Variants in SHC2 observed in about 807,000 individuals in gnomAD.
The protein encoded by SHC2 is SHC-transforming protein 2.
A neutral mutation model predicts 60.6 loss-of-function variants in SHC2; 62 were observed. The ratio of observed to expected loss-of-function variants is 1.02; its 90% CI spans 0.83 to 1.26. SHC2 has a LOEUF of 1.26. SHC2 is among the 50% of genes most tolerant of loss of function. The pLI is 0.00. For missense variants in SHC2, 873 were observed against 822.2 expected (o/e 1.06, Z -0.76); for synonymous variants, 375 against 372.4 (o/e 1.01, Z -0.08).
At position 437,313 on chromosome 19, in the gene SHC2, C is replaced by T. The variant is rs559393907; in HGVS notation, c.721-630G>A. Among the ~76,000 whole-genome samples, 1,146 of 150,346 alleles carry T rather than the reference C, an allele frequency of 7.6e-3. 8 individuals carry two copies. Among genetic ancestry groups the T allele is most frequent in the African/African-American group, 0.016 (641 of 40,366 alleles). On this transcript the variant is annotated intron_variant, in intron 4 of 12. Coordinates refer to ENST00000264554, the MANE Select transcript of SHC2 (RefSeq NM_012435.3). ...TCATCTGCGTGCTCGTCTGTGTGCTCATCTGCATGCTCATCTGCGTGCTTG... is the reference window on the plus strand; with the variant it reads ...TCATCTGCGTGCTCGTCTGTGTGCTTATCTGCATGCTCATCTGCGTGCTTG...
chr19:417,589 G>A lies in SHC2; in HGVS notation c.*6-267C>T, dbSNP rs565076919. 9.1e-4 allele frequency among the ~76,000 whole-genome samples: 139 copies of A among 152,342 alleles called. 1 individual carries two copies. Among genetic ancestry groups the A allele is most frequent in the Admixed American group, 8.9e-3 (137 of 15,312 alleles). ...CGATCCCAGTGCCTGTCTCAGAACC[G>A]AAGGGTTGAGCACATTCCTGGGACA... On this transcript the variant is annotated intron_variant, in intron 12 of 12. Coordinates refer to ENST00000264554, the MANE Select transcript of SHC2 (RefSeq NM_012435.3).
At chr19:457,754 C>T (rs1436964400) in intron 1 of SHC2, among the ~76,000 whole-genome samples, 5 of 152,260 alleles carry the variant, frequency 3.3e-5, no homozygotes, top group Non-Finnish European at 7.3e-5. Context: ...ACATCCACGG[C>T]CAATGGCCAC....
chr19:442,205 T>C (rs1000111412), intron 1 of SHC2, among the ~76,000 whole-genome samples: 1 of 151,594 alleles, frequency 6.6e-6, no homozygotes, highest in African/African-American at 2.4e-5. Context: ...GGTGGATGGA[T>C]GAATGAAAGA....
chr19:434,272 G>C (rs959115469), intron 8 of SHC2, among the ~76,000 whole-genome samples: 1 of 118,762 alleles, frequency 8.4e-6, no homozygotes, highest in African/African-American at 3.1e-5. Flanking sequence ...GAGATCATGA[G>C]TGAGATCATG....
At chr19:431,271 G>T (rs1974582859) in intron 8 of SHC2, among the ~76,000 whole-genome samples, 1 of 151,308 alleles carries the variant, frequency 6.6e-6, no homozygotes, top group Non-Finnish European at 1.5e-5. Context: ...GCAGATAGAT[G>T]GCGCTTCATC....
At chr19:417,858 C>A (rs1250636195) in intron 12 of SHC2, among the ~76,000 whole-genome samples, 1 of 152,096 alleles carries the variant, frequency 6.6e-6, no homozygotes, top group Non-Finnish European at 1.5e-5. Context: ...AGGGGAGGGG[C>A]CGCCCAGGAG....
chr19:438,145 G>A lies in SHC2; in HGVS notation c.720+573C>T, dbSNP rs1404009833. ...ATTACAGGCGCCCACCACCACACCCGGCTAATCTTTGTATTTTTTGTAGAG... is the reference window on the plus strand; with the variant it reads ...ATTACAGGCGCCCACCACCACACCCAGCTAATCTTTGTATTTTTTGTAGAG... On this transcript the variant is annotated intron_variant, in intron 4 of 12. Transcript: ENST00000264554. The surrounding 1 kb of genome is among the most constrained non-coding windows in gnomAD (Gnocchi z 5.0). 3.3e-5 allele frequency among the ~76,000 whole-genome samples: 5 copies of A among 151,998 alleles called. No individual in the cohort carries two copies. Among genetic ancestry groups the A allele is most frequent in the African/African-American group, 9.7e-5 (4 of 41,362 alleles).
intron 4 of SHC2, among the ~76,000 whole-genome samples, chr19:436,999 T>TCACA (rs1195757405): frequency 6.6e-6 from 1 of 151,054 alleles, no homozygotes; most frequent in Non-Finnish European, 1.5e-5. Flanking sequence ...GCCCAGACGC[T>TCACA]CACACACACA....
In SHC2 at chr19:440,884, T is replaced by TA; in HGVS notation, c.516dup (p.Asn173Ter). On this transcript the variant is annotated frameshift_variant, in exon 2 of 13. Coordinates refer to ENST00000264554, the MANE Select transcript of SHC2 (RefSeq NM_012435.3). LOFTEE classifies it high-confidence loss of function. The surrounding 1 kb of genome is among the most constrained non-coding windows in gnomAD (Gnocchi z 7.0). ...CACCTGGTCACCTGCGTGCGCGTGT[T>TA]AAAGTCCAGGGAGCGCATAGAGCGG... 1.2e-6 allele frequency: 2 copies of TA among 1,612,776 alleles called. No individual in the cohort carries two copies. Among genetic ancestry groups the TA allele is most frequent in the South Asian group, 1.1e-5 (1 of 91,076 alleles).
chr19:436,041 CG>C, intron 7 of SHC2, 123 bp downstream of exon 7: 1 of 1,062,596 alleles, frequency 9.4e-7, no homozygotes, highest in Non-Finnish European at 1.3e-6. Flanking sequence ...CATATTCTCA[CG>C]GGACAGGGAG....
rs1974357259 is a variant in SHC2, at chr19:424,423, C to T, written c.1309+674G>A. On this transcript the variant is annotated intron_variant, in intron 10 of 12. Coordinates refer to ENST00000264554, the MANE Select transcript of SHC2 (RefSeq NM_012435.3). This position sits in a 1 kb window ranked among gnomAD's most constrained non-coding sequence, Gnocchi z 4.5. ...GAAGAATCCTCAGACCCCGGAGTCA[C>T]GTGAAGAGAAAACTCATCAGACTAG... Among the ~76,000 whole-genome samples, 1 of 152,044 alleles carries T rather than the reference C, an allele frequency of 6.6e-6. No homozygotes were observed. Among genetic ancestry groups the T allele is most frequent in the Non-Finnish European group, 1.5e-5 (1 of 68,016 alleles).
chr19:420,114 G>A (rs1301687411), intron 11 of SHC2, among the ~76,000 whole-genome samples: 3 of 152,206 alleles, frequency 2.0e-5, no homozygotes, highest in African/African-American at 7.2e-5. Context: ...AGGTGTAGTG[G>A]CTGCCGGTCT....
At chr19:435,002 G>A (rs998360981) in intron 7 of SHC2, 137 bp from the exon 8 acceptor site, 66 of 858,274 alleles carry the variant, frequency 7.7e-5, no homozygotes, top group Non-Finnish European at 1.1e-4. Flanking sequence ...GGTTCCTACC[G>A]GGAAACGCTT....
At chr19:458,570 G>T (rs114253570) in intron 1 of SHC2, among the ~76,000 whole-genome samples, 1,600 of 135,220 alleles carry the variant, frequency 0.012, 104 homozygotes, top group African/African-American at 0.039. Context: ...GGGTCCTGGG[G>T]AGGCGGAAGC....
chr19:425,087 T>A lies in SHC2; in HGVS notation c.1309+10A>T, dbSNP rs754436092. 4 of 1,377,684 alleles carry A rather than the reference T, an allele frequency of 2.9e-6. No homozygotes were observed. The highest frequency in any genetic ancestry group is 3.8e-6 in the Non-Finnish European group (4 of 1,056,566). The allele number at this position is 1,377,684 out of a possible 1,614,324, so 85.3% of individuals were successfully genotyped here. On this transcript the variant is annotated intron_variant, in intron 10 of 12. Transcript: ENST00000264554. This position sits in a 1 kb window ranked among gnomAD's most constrained non-coding sequence, Gnocchi z 4.1. ...ACGCGATGACGGCCGCCCCCCAGGC[T>A]GCCACATACGCATGTCAAACAGATC...
chr19:454,848 C>T lies in SHC2; in HGVS notation c.468+5681G>A, dbSNP rs368947715. On this transcript the variant is annotated intron_variant, in intron 1 of 12. Coordinates refer to ENST00000264554, the MANE Select transcript of SHC2 (RefSeq NM_012435.3). Reference sequence around the variant, plus strand: ...CACACAGGCCTGAGGGCCGGAAGCCCGTCCCCTCTGGAGGCAGCAGGGGAA... The same window carrying T: ...CACACAGGCCTGAGGGCCGGAAGCCTGTCCCCTCTGGAGGCAGCAGGGGAA... Among the ~76,000 whole-genome samples, 7 of 152,054 alleles carry T rather than the reference C, an allele frequency of 4.6e-5. No individual in the cohort carries two copies. In the East Asian group the frequency reaches 5.8e-4, roughly 13 times the overall value.
In SHC2 at chr19:436,308, C is replaced by CA; in HGVS notation, c.827-18dup. 6.3e-7 allele frequency: 1 copy of CA among 1,586,278 alleles called. No homozygotes were observed. The highest frequency in any genetic ancestry group is 8.6e-7 in the Non-Finnish European group (1 of 1,167,372). ...TGTGGCAGGCTGCGGGCACGTTGGTCATGCAGCCTCCGAGCCACACGGCCG... is the reference window on the plus strand; with the variant it reads ...TGTGGCAGGCTGCGGGCACGTTGGTCAATGCAGCCTCCGAGCCACACGGCCG... On this transcript the variant is annotated splice_polypyrimidine_tract_variant and intron_variant, in intron 6 of 12. Coordinates refer to ENST00000264554, the MANE Select transcript of SHC2 (RefSeq NM_012435.3).
intron 11 of SHC2, 114 bp from the exon 12 acceptor site, chr19:419,170 G>C: frequency 8.1e-7 from 1 of 1,236,506 alleles, no homozygotes; most frequent in Non-Finnish European, 1.1e-6. Flanking sequence ...GCATGGACGA[G>C]GGGCCGGACC....
intron 1 of SHC2, among the ~76,000 whole-genome samples, chr19:443,410 G>A (rs1329666659): frequency 2.1e-5 from 3 of 141,248 alleles, no homozygotes; most frequent in African/African-American, 8.0e-5. Context: ...GGATGGACGG[G>A]TGAGTGGATG....
Sources: allele counts gnomAD v4.1 joint callset (sites outside exome capture counted in the v4.1 genomes callset), GRCh38; gene constraint gnomAD v4.1.1; non-coding constraint Gnocchi (gnomAD v3.1); transcripts MANE v1.5; gene names NCBI Gene and HGNC (gene_info 2026-07-23, HGNC 2026-07-21).